TYW1B: variants seen among roughly 807,000 people sequenced by gnomAD.
TYW1B encodes the protein S-adenosyl-L-methionine-dependent tRNA 4-demethylwyosine synthase TYW1B.
TYW1B carries 73 observed loss-of-function variants against 86.9 expected under a neutral mutation model. That is an observed-to-expected ratio of 0.84 (90% confidence interval 0.70 to 1.02). The LOEUF (loss-of-function observed/expected upper bound fraction) is 1.02. Among genes scored for constraint, TYW1B ranks in the 50% least tolerant of loss-of-function variants. The pLI, the probability that TYW1B is intolerant of heterozygous loss-of-function variation, is 0.00. For missense variants in TYW1B, 637 were observed against 827.4 expected (o/e 0.77, Z 2.82); for synonymous variants, 248 against 292.8 (o/e 0.85, Z 1.56).
intron 11 of TYW1B, among the ~76,000 whole-genome samples, chr7:72,690,277 T>A (rs1290951607): frequency 6.7e-6 from 1 of 149,522 alleles, no homozygotes; most frequent in Admixed American, 6.8e-5. Flanking sequence ...GGCAGTGTTT[T>A]CTTGTATAAG....
At position 72,656,562 on chromosome 7, in the gene TYW1B, C is replaced by T. The variant is rs571377670; in HGVS notation, c.1507-27565G>A. On this transcript the variant is annotated intron_variant, in intron 11 of 13. Transcript: ENST00000620995. Reference sequence around the variant, plus strand: ...GGTGGAGTTTGCAGTGAGCTGAGATCGAGATCGCGCCACTGCACTCCAGCC... The same window carrying T: ...GGTGGAGTTTGCAGTGAGCTGAGATTGAGATCGCGCCACTGCACTCCAGCC... 1.1e-4 allele frequency among the ~76,000 whole-genome samples: 17 copies of T among 151,538 alleles called. No homozygotes were observed. In the East Asian group the frequency reaches 1.6e-3, roughly 14 times the overall value.
At chr7:72,672,722 C>A (rs1813639539) in intron 11 of TYW1B, among the ~76,000 whole-genome samples, 1 of 152,094 alleles carries the variant, frequency 6.6e-6, no homozygotes, top group South Asian at 2.1e-4. Flanking sequence ...GGTCCTGGAA[C>A]CAATCCTCTG....
chr7:72,672,459 G>T, intron 11 of TYW1B, among the ~76,000 whole-genome samples: 2 of 90,132 alleles, frequency 2.2e-5, no homozygotes, highest in Admixed American at 1.4e-4. Context: ...AATTTATTTG[G>T]GCATACACAC....
rs60691255 is a variant in TYW1B at position 72,667,031 on chromosome 7, C to CAAAAA, written c.1506+27651_1506+27655dup. Among the ~76,000 whole-genome samples the CAAAAA allele has an allele frequency of 4.0e-4, 17 of 42,366 alleles. 2 individuals are homozygous for CAAAAA. In the South Asian group the frequency reaches 9.5e-3, roughly 24 times the overall value. The allele number at this position is 42,366 out of a possible 152,430, so 27.8% of individuals were successfully genotyped here. A position where few individuals can be genotyped will look rare whatever the true frequency, so the allele number is the denominator to read the frequency against. On this transcript the variant is annotated intron_variant, in intron 11 of 13. Coordinates refer to ENST00000620995, the MANE Select transcript of TYW1B (RefSeq NM_001145440.3). ...TGGGAGAGAGAGCGAGACTCCGTCT[C>CAAAAA]AAAAAAAAAAAAAAAAAAAAGAAAC... is the stretch of plus-strand genomic sequence containing the variant.
At chr7:72,762,362 T>C (rs1787699391) in intron 7 of TYW1B, among the ~76,000 whole-genome samples, 1 of 152,156 alleles carries the variant, frequency 6.6e-6, no homozygotes, top group African/African-American at 2.4e-5. Context: ...TTGCCTTCTG[T>C]TCTTTCTCCT....
chr7:72,634,830 T>C (rs1453988994), intron 11 of TYW1B, among the ~76,000 whole-genome samples: 1 of 152,200 alleles, frequency 6.6e-6, no homozygotes, highest in Non-Finnish European at 1.5e-5. Context: ...TCTGTTGGAA[T>C]ATTTGTCTTT....
At chr7:72,767,859 T>C (rs1182374130) in intron 7 of TYW1B, among the ~76,000 whole-genome samples, 6 of 152,062 alleles carry the variant, frequency 3.9e-5, no homozygotes, top group Non-Finnish European at 7.4e-5. Flanking sequence ...CAACTGGATA[T>C]CCATATTGGC....
At chr7:72,725,862 CTCTG>C (rs1786989107) in intron 9 of TYW1B, among the ~76,000 whole-genome samples, 1 of 152,086 alleles carries the variant, frequency 6.6e-6, no homozygotes, top group Non-Finnish European at 1.5e-5. Flanking sequence ...ATCTCAGTCT[CTCTG>C]TCTCTCTCTC....
intron 8 of TYW1B, among the ~76,000 whole-genome samples, chr7:72,740,361 C>T (rs1386088962): frequency 2.0e-5 from 3 of 150,812 alleles, no homozygotes; most frequent in African/African-American, 7.3e-5. Context: ...GATTCCACCA[C>T]TGTACTACAG....
intron 11 of TYW1B, among the ~76,000 whole-genome samples, chr7:72,656,623 G>T (rs576720725): frequency 1.2e-3 from 186 of 151,574 alleles, no homozygotes; most frequent in Non-Finnish European, 2.4e-3. Flanking sequence ...AAAAAAAAAA[G>T]AAAAAAGAGA....
intron 11 of TYW1B, among the ~76,000 whole-genome samples, chr7:72,653,703 T>C (rs1441170994): frequency 6.6e-5 from 10 of 152,066 alleles, no homozygotes; most frequent in African/African-American, 2.4e-4. Flanking sequence ...ACATCACACA[T>C]TGGCAGGCTA....
chr7:72,723,755 C>T (rs1786947655), intron 9 of TYW1B, among the ~76,000 whole-genome samples: 1 of 152,052 alleles, frequency 6.6e-6, no homozygotes, highest in African/African-American at 2.4e-5. Context: ...GCCTGGGCAA[C>T]AGAACAAGAC....
chr7:72,815,014 A>G (rs1179086393), intron 3 of TYW1B, among the ~76,000 whole-genome samples: 1 of 150,666 alleles, frequency 6.6e-6, no homozygotes, highest in Non-Finnish European at 1.5e-5. Flanking sequence ...CACTGCACTG[A>G]ACTGAGATTG....
At chr7:72,785,985 C>T (rs782296585) in intron 6 of TYW1B, among the ~76,000 whole-genome samples, 10 of 151,880 alleles carry the variant, frequency 6.6e-5, no homozygotes, top group African/African-American at 1.7e-4. Flanking sequence ...TGGTGGCGGG[C>T]GCTATAATCC....
At chr7:72,755,210 G>A (rs1554465771) in intron 7 of TYW1B, among the ~76,000 whole-genome samples, 1 of 152,186 alleles carries the variant, frequency 6.6e-6, no homozygotes, top group South Asian at 2.1e-4. Context: ...TTGAGTGCAG[G>A]AGTTCAAGAC....
intron 13 of TYW1B, among the ~76,000 whole-genome samples, chr7:72,586,877 CTTTG>C (rs1455500424): frequency 8.5e-5 from 13 of 152,146 alleles, no homozygotes; most frequent in South Asian, 4.2e-4. Context: ...AAGGTCAGCC[CTTTG>C]TTTGGGTAAA....
At chr7:72,791,836 T>C (rs1226896275) in intron 6 of TYW1B, among the ~76,000 whole-genome samples, 3 of 152,170 alleles carry the variant, frequency 2.0e-5, no homozygotes, top group Non-Finnish European at 4.4e-5. Context: ...ATGTCTTCCC[T>C]TAGCTGATTT....
At chr7:72,713,300 CAAAAAAAA>C (rs71069102) in intron 10 of TYW1B, among the ~76,000 whole-genome samples, 6 of 55,838 alleles carry the variant, frequency 1.1e-4, no homozygotes, top group Non-Finnish European at 1.9e-4. Context: ...GACTCCAACT[CAAAAAAAA>C]AAAAAAAAAA....
chr7:72,593,626 TC>T (rs1425165844), intron 13 of TYW1B, among the ~76,000 whole-genome samples: 1 of 151,772 alleles, frequency 6.6e-6, no homozygotes, highest in African/African-American at 2.4e-5. Flanking sequence ...ATCGAGACCA[TC>T]CTGGCTAACA....
Sources: gnomAD v4.1 joint callset for allele counts (sites outside exome capture counted in the v4.1 genomes callset) on GRCh38, gnomAD v4.1.1 for gene constraint, MANE v1.5 for transcripts, NCBI Gene and HGNC (gene_info 2026-07-23, HGNC 2026-07-21) for gene names.